The following GRM4 variants were observed in gnomAD, a reference collection of about 807,000 sequenced individuals.
GRM4 encodes the protein glutamate metabotropic receptor 4, also known as metabotropic glutamate receptor 4.
In GRM4, 28 loss-of-function variants were observed where a neutral mutation model predicts 81.7. The observed-to-expected ratio is 0.34, with a 90% CI of 0.25 to 0.47. The LOEUF (loss-of-function observed/expected upper bound fraction) is 0.47. Among genes scored for constraint, GRM4 ranks in the 20% least tolerant of loss-of-function variants. The pLI, the probability that GRM4 is intolerant of heterozygous loss-of-function variation, is 1.00. For synonymous variants in GRM4, 488 were observed against 528.8 expected, an observed-to-expected ratio of 0.92 and a Z score of 1.06; for missense variants, 948 against 1,290.0, an observed-to-expected ratio of 0.73 and a Z score of 4.06.
chr6:34,123,302 C>T (rs935668952), intron 2 of GRM4, among the ~76,000 whole-genome samples: 7 of 152,202 alleles, frequency 4.6e-5, no homozygotes, highest in Non-Finnish European at 8.8e-5. Context: ...GGCTCTGGCA[C>T]ACCTACCAGA....
chr6:34,131,378 A>C (rs1561831148), intron 2 of GRM4, among the ~76,000 whole-genome samples: 1 of 152,316 alleles, frequency 6.6e-6, no homozygotes, highest in East Asian at 1.9e-4. Flanking sequence ...TAATGCATCC[A>C]TTTGCTTTAA....
At position 34,036,585 on chromosome 6, in the gene GRM4, G is replaced by A. The variant is rs751627348; in HGVS notation, c.1525C>T (p.Pro509Ser). 4 of 1,580,096 alleles carry A rather than the reference G, an allele frequency of 2.5e-6. No individual in the cohort carries two copies. The highest frequency in any genetic ancestry group is 1.1e-5 in the South Asian group (1 of 88,914). ...CGGGGCAGCTGCTGCCCGCTCCCCG[G>A]CCAGTGCATCCGCTCTATCTGGCAA... ...LHLRIERMHWPGSGQQLPRSI... is the reference protein window; with the variant it reads ...LHLRIERMHWSGSGQQLPRSI... Residue 509 changes from proline (P) to serine (S), a missense_variant, in exon 9 of 11, where the codon CCG becomes TCG. By Grantham distance (74) the Pro-to-Ser change is moderately conservative (BLOSUM62 -1). Coordinates refer to ENST00000538487, the MANE Select transcript of GRM4 (RefSeq NM_000841.4). This position sits in a 1 kb window ranked among gnomAD's most constrained non-coding sequence, Gnocchi z 9.0.
chr6:34,049,410 T>C (rs1765506072), intron 6 of GRM4, among the ~76,000 whole-genome samples: 1 of 151,942 alleles, frequency 6.6e-6, no homozygotes, highest in Admixed American at 6.6e-5. Flanking sequence ...GCTGGCCCCC[T>C]TCTCTCTGCC....
chr6:34,069,081 A>G lies in GRM4; in HGVS notation c.737-7053T>C, dbSNP rs117116581. ...GGGAGTTACACACAGGGACAGGGGCAGGAGAGCAGGTCCCCCCGGCTCCCA... is the reference window on the plus strand; with the variant it reads ...GGGAGTTACACACAGGGACAGGGGCGGGAGAGCAGGTCCCCCCGGCTCCCA... On this transcript the variant is annotated intron_variant, in intron 3 of 10. Coordinates refer to ENST00000538487, the MANE Select transcript of GRM4 (RefSeq NM_000841.4). This position sits in a 1 kb window ranked among gnomAD's most constrained non-coding sequence, Gnocchi z 6.4. 1.0e-3 allele frequency among the ~76,000 whole-genome samples: 156 copies of G among 151,950 alleles called. 1 individual carries two copies. In the East Asian group the frequency reaches 0.015, roughly 15 times the overall value.
intron 2 of GRM4, among the ~76,000 whole-genome samples, chr6:34,113,061 T>C (rs1256039933): frequency 6.6e-6 from 1 of 152,154 alleles, no homozygotes; most frequent in Non-Finnish European, 1.5e-5. Flanking sequence ...AGCTTTTACA[T>C]ACATTCTCTG....
intron 3 of GRM4, among the ~76,000 whole-genome samples, chr6:34,077,108 C>T (rs1205916717): frequency 3.3e-5 from 5 of 152,040 alleles, no homozygotes; most frequent in South Asian, 2.1e-4. Flanking sequence ...GGGACTGTCC[C>T]GTGTTACAGT....
At chr6:34,029,766 G>C (rs534856679) in intron 9 of GRM4, among the ~76,000 whole-genome samples, 81 of 152,234 alleles carry the variant, frequency 5.3e-4, no homozygotes, top group Non-Finnish European at 7.5e-4. Context: ...TGAAGGTGAG[G>C]AGAAGAGACA....
rs530019314 is a variant in GRM4 at position 34,114,490 on chromosome 6, T to C, written c.519+18488A>G. Among the ~76,000 whole-genome samples, 7 of 152,180 alleles carry C rather than the reference T, an allele frequency of 4.6e-5. No homozygotes were observed. Among genetic ancestry groups the C allele is most frequent in the African/African-American group, 1.7e-4 (7 of 41,516 alleles). The stretch of plus-strand genomic sequence containing the variant: ...CCAGTCCACACCCAAAGGAATACTT[T>C]TAACTCCCAAATCCAAGCAGGCACC... On this transcript the variant is annotated intron_variant, in intron 2 of 10. Transcript: ENST00000538487. The surrounding 1 kb of genome is among the most constrained non-coding windows in gnomAD (Gnocchi z 4.3).
chr6:34,091,303 G>C (rs1390899215), intron 3 of GRM4, among the ~76,000 whole-genome samples: 2 of 152,182 alleles, frequency 1.3e-5, no homozygotes, highest in African/African-American at 2.4e-5. Context: ...AATTCAGCAC[G>C]CTTAATGGGG....
intron 2 of GRM4, chr6:34,105,820 GTTGGGCAAATCCT>G (rs1257481028): frequency 2.0e-5 from 3 of 152,244 alleles, no homozygotes; most frequent in African/African-American, 7.2e-5. Flanking sequence ...AGGCCAGAGT[GTTGGGCAAATCCT>G]TGAGTCCTTT....
At chr6:34,123,544 G>A (rs1201407841) in intron 2 of GRM4, among the ~76,000 whole-genome samples, 1 of 152,188 alleles carries the variant, frequency 6.6e-6, no homozygotes, top group African/African-American at 2.4e-5. Context: ...CGAGGTCCAG[G>A]AGGGTCAGAC....
intron 6 of GRM4, 167 bp downstream of exon 6, chr6:34,056,377 C>A: frequency 3.2e-6 from 2 of 620,614 alleles, no homozygotes; most frequent in South Asian, 3.9e-5. Flanking sequence ...CCCCTCAAGG[C>A]CCCGCCCCAG....
intron 2 of GRM4, chr6:34,110,947 G>T (rs773665877): frequency 3.3e-6 from 3 of 901,316 alleles, no homozygotes; most frequent in South Asian, 4.0e-5. Context: ...CTCTCCAGGG[G>T]AACGCTGTGC....
chr6:34,134,547 C>T (rs765922069), intron 1 of GRM4, among the ~76,000 whole-genome samples: 4 of 152,204 alleles, frequency 2.6e-5, no homozygotes, highest in African/African-American at 4.8e-5. Flanking sequence ...AATCAGGGAG[C>T]GCAAGGTGGA....
chr6:34,108,678 A>C (rs1769236137), intron 2 of GRM4, among the ~76,000 whole-genome samples: 1 of 151,820 alleles, frequency 6.6e-6, no homozygotes, highest in African/African-American at 2.4e-5. Context: ...ACTTCCCTCC[A>C]CGCCTGCAGA....
chr6:34,086,863 T>G (rs1767916855), intron 3 of GRM4, among the ~76,000 whole-genome samples: 1 of 152,210 alleles, frequency 6.6e-6, no homozygotes, highest in Non-Finnish European at 1.5e-5. Flanking sequence ...GGTTCATGCC[T>G]ATAATCCCAG....
At position 34,041,108 on chromosome 6, in the gene GRM4, C is replaced by T. The variant is rs551419432; in HGVS notation, c.1169-360G>A. On this transcript the variant is annotated intron_variant, in intron 6 of 10. Transcript: ENST00000538487. ...GTGGCCCTTGTTGCCTTCCCCCAAG[C>T]CTGGCCTGGGATAATCTTGAGAGCA... Among the ~76,000 whole-genome samples, 3 of 152,302 alleles carry T rather than the reference C, an allele frequency of 2.0e-5. No homozygotes were observed. The South Asian group carries it at 6.2e-4, about 32-fold the overall frequency.
intron 5 of GRM4, among the ~76,000 whole-genome samples, chr6:34,057,128 C>A (rs1338593662): frequency 6.6e-6 from 1 of 152,156 alleles, no homozygotes; most frequent in African/African-American, 2.4e-5. Flanking sequence ...GGACCTGGAC[C>A]TTCTTCCTTC....
chr6:34,122,017 C>T (rs1554133029), intron 2 of GRM4, among the ~76,000 whole-genome samples: 1 of 151,976 alleles, frequency 6.6e-6, no homozygotes, highest in Non-Finnish European at 1.5e-5. Context: ...CTGAGATGCC[C>T]GAGGCCGTAA....
Sources: allele counts gnomAD v4.1 joint callset (sites outside exome capture counted in the v4.1 genomes callset), GRCh38; gene constraint gnomAD v4.1.1; non-coding constraint Gnocchi (gnomAD v3.1); transcripts MANE v1.5; gene names NCBI Gene and HGNC (gene_info 2026-07-23, HGNC 2026-07-21).